ZNF423: variants seen among roughly 807,000 people sequenced by gnomAD.
The protein encoded by ZNF423 is Ebf-associated zinc finger protein.
Under a neutral mutation model 95.8 loss-of-function variants are expected in ZNF423, and 12 were observed. The ratio of observed to expected loss-of-function variants is 0.13; its 90% confidence interval spans 0.08 to 0.20. ZNF423 has a LOEUF of 0.20. Among genes scored for constraint, ZNF423 ranks in the 10% least tolerant of loss-of-function variants. The pLI is 1.00. For synonymous variants in ZNF423, 749 were observed against 711.9 expected (o/e 1.05, Z -0.83); for missense variants, 1,316 against 1,737.1 (o/e 0.76, Z 4.31).
intron 3 of ZNF423, among the ~76,000 whole-genome samples, chr16:49,699,960 A>AT (rs1596878111): frequency 6.6e-6 from 1 of 152,218 alleles, no homozygotes; most frequent in Middle Eastern, 3.4e-3. Context: ...CCAGGCCAGG[A>AT]TATCAGCCTC....
At chr16:49,593,330 G>A (rs2151819891) in intron 5 of ZNF423, among the ~76,000 whole-genome samples, 1 of 152,234 alleles carries the variant, frequency 6.6e-6, no homozygotes, top group Admixed American at 6.5e-5. Context: ...AGCTACTCAG[G>A]AGGCTGAGGT....
chr16:49,531,348 T>C (rs898371903), intron 5 of ZNF423, among the ~76,000 whole-genome samples: 6 of 151,366 alleles, frequency 4.0e-5, no homozygotes, highest in Admixed American at 2.0e-4. Flanking sequence ...ATGGGCGCGG[T>C]AAATGGTCCT....
chr16:49,856,612 C>T (rs1245400171), upstream of ZNF423, among the ~76,000 whole-genome samples: 1 of 151,438 alleles, frequency 6.6e-6, no homozygotes, highest in Non-Finnish European at 1.5e-5. Flanking sequence ...GAAGCCGCGG[C>T]TCGGGGCCCC....
chr16:49,504,097 A>T (rs1288334307), intron 7 of ZNF423, among the ~76,000 whole-genome samples: 2 of 152,186 alleles, frequency 1.3e-5, no homozygotes, highest in East Asian at 3.8e-4. Flanking sequence ...GGGCTGGGAA[A>T]AGGGGAAATG....
At chr16:49,726,856 C>CAAAAAAAAAAAAA (rs368675702) in intron 3 of ZNF423, among the ~76,000 whole-genome samples, 5 of 94,784 alleles carry the variant, frequency 5.3e-5, no homozygotes, top group Non-Finnish European at 9.8e-5. Flanking sequence ...TTCCCCCTAG[C>CAAAAAAAAAAAAA]AAAAAAAAAA....
intron 3 of ZNF423, among the ~76,000 whole-genome samples, chr16:49,670,901 A>G (rs1332453898): frequency 6.6e-6 from 1 of 152,236 alleles, no homozygotes; most frequent in Non-Finnish European, 1.5e-5. Context: ...TATGATGGGA[A>G]TGGAATTGTG....
chr16:49,615,080 G>A (rs376759580), intron 5 of ZNF423, among the ~76,000 whole-genome samples: 1 of 151,866 alleles, frequency 6.6e-6, no homozygotes, highest in African/African-American at 2.4e-5. Context: ...GCAGTGAGGC[G>A]AGATCGTGCC....
chr16:49,748,497 C>T (rs1050944852), intron 2 of ZNF423, among the ~76,000 whole-genome samples: 1 of 152,160 alleles, frequency 6.6e-6, no homozygotes, highest in African/African-American at 2.4e-5. Context: ...GCCTAAAACG[C>T]GTCTTGGCCC....
intron 5 of ZNF423, among the ~76,000 whole-genome samples, chr16:49,556,540 T>C (rs1263231597): frequency 6.6e-6 from 1 of 152,142 alleles, no homozygotes; most frequent in Non-Finnish European, 1.5e-5. Context: ...ACTCAATAAA[T>C]ATGTGTGGAA....
intron 3 of ZNF423, among the ~76,000 whole-genome samples, chr16:49,666,306 G>A (rs7202499): frequency 9.5e-4 from 144 of 152,280 alleles, no homozygotes; most frequent in African/African-American, 3.2e-3. Flanking sequence ...CAATCCTCAC[G>A]CCTTTAATAC....
intron 3 of ZNF423, among the ~76,000 whole-genome samples, chr16:49,677,237 A>AGAAGG: frequency 8.0e-5 from 1 of 12,532 alleles, no homozygotes; most frequent in Non-Finnish European, 1.6e-4. Context: ...AAAAGAGAAG[A>AGAAGG]GAAGAGAAGA....
intron 7 of ZNF423, among the ~76,000 whole-genome samples, chr16:49,511,087 G>A (rs1049409570): frequency 2.6e-5 from 4 of 152,224 alleles, no homozygotes; most frequent in African/African-American, 9.6e-5. Flanking sequence ...CATTGCTCAG[G>A]CGAGCTGACC....
At chr16:49,666,481 TTACA>T (rs1427307195) in intron 3 of ZNF423, among the ~76,000 whole-genome samples, 1 of 152,198 alleles carries the variant, frequency 6.6e-6, no homozygotes, top group African/African-American at 2.4e-5. Flanking sequence ...AAGTGAACAG[TTACA>T]TACATGCACG....
intron 5 of ZNF423, among the ~76,000 whole-genome samples, chr16:49,553,426 A>G (rs1969710237): frequency 6.6e-6 from 1 of 152,000 alleles, no homozygotes; most frequent in South Asian, 2.1e-4. Flanking sequence ...AGCTCACCGA[A>G]GCTTTGAAAT....
chr16:49,613,332 T>C (rs1450754595), intron 5 of ZNF423, among the ~76,000 whole-genome samples: 1 of 152,210 alleles, frequency 6.6e-6, no homozygotes, highest in Non-Finnish European at 1.5e-5. Context: ...GGCACATACA[T>C]CAGTGGAACC....
Position 49,768,524 on chromosome 16 carries a change from C to CCTGT in ZNF423, c.100+20959_100+20962dup, listed in dbSNP as rs1225940306. Among the ~76,000 whole-genome samples, 9 of 152,284 alleles carry CCTGT rather than the reference C, an allele frequency of 5.9e-5. No individual in the cohort carries two copies. The South Asian group carries it at 1.2e-3, about 21-fold the overall frequency. On this transcript the variant is annotated intron_variant, in intron 2 of 7. Transcript: ENST00000563137. ...GAAAGCAGTGGACCTGCCTGGTGACCCTGTCCTTCCTGGAAGATTTTCTTC... is the reference window on the plus strand; with the variant it reads ...GAAAGCAGTGGACCTGCCTGGTGACCCTGTCTGTCCTTCCTGGAAGATTTTCTTC...
At chr16:49,666,264 G>A (rs774259490) in intron 3 of ZNF423, among the ~76,000 whole-genome samples, 4 of 152,180 alleles carry the variant, frequency 2.6e-5, no homozygotes, top group Non-Finnish European at 4.4e-5. Flanking sequence ...GGTAACTGTA[G>A]CCCCTACCAT....
At chr16:49,571,593 G>A (rs4785324) in intron 5 of ZNF423, among the ~76,000 whole-genome samples, 4,016 of 152,176 alleles carry the variant, frequency 0.026, 82 homozygotes, top group Admixed American at 0.044. Context: ...CTACACTGAG[G>A]GTCTCTACCT....
At chr16:49,753,405 C>A (rs1443033127) in intron 2 of ZNF423, among the ~76,000 whole-genome samples, 1 of 149,622 alleles carries the variant, frequency 6.7e-6, no homozygotes, top group Non-Finnish European at 1.5e-5. Flanking sequence ...AGTTTAAGAC[C>A]AGCCTGGGCA....
Sources: gnomAD v4.1 joint callset for allele counts (sites outside exome capture counted in the v4.1 genomes callset) on GRCh38, gnomAD v4.1.1 for gene constraint, MANE v1.5 for transcripts, NCBI Gene and HGNC (gene_info 2026-07-23, HGNC 2026-07-21) for gene names.